Variants in ANXA8 observed in about 807,000 individuals in gnomAD.
ANXA8 encodes the protein annexin A8.
A neutral mutation model predicts 26.8 loss-of-function variants in ANXA8; 9 were observed. That is an observed-to-expected ratio of 0.34 (90% CI 0.20 to 0.59). The LOEUF (loss-of-function observed/expected upper bound fraction) is 0.59. Ranked by LOEUF, ANXA8 falls within the 20% of genes least tolerant of loss-of-function variation. The pLI is 0.84. For synonymous variants in ANXA8, 39 were observed against 94.8 expected (o/e 0.41, Z 3.42); for missense variants, 83 against 238.5 (o/e 0.35, Z 4.29).
the ANXA8 span, among the ~76,000 whole-genome samples, chr10:47,745,370 T>C: frequency 1.5e-4 from 23 of 149,300 alleles, no homozygotes; most frequent in African/African-American, 5.4e-4. Context: ...ATTTCCCTGA[T>C]AGTCTTATGA....
At chr10:47,651,661 G>A in the ANXA8 span, among the ~76,000 whole-genome samples, 2 of 150,226 alleles carry the variant, frequency 1.3e-5, no homozygotes, top group Admixed American at 6.6e-5. Flanking sequence ...TTGGAAGGCC[G>A]AGGCAGGTGG....
At chr10:47,555,179 GTCCCAC>G in the ANXA8 span, among the ~76,000 whole-genome samples, 27,490 of 150,320 alleles carry the variant, frequency 0.18, 2,454 homozygotes, top group East Asian at 0.5. Flanking sequence ...TGCCCAGCAG[GTCCCAC>G]TCCTCTCACC....
the ANXA8 span, among the ~76,000 whole-genome samples, chr10:47,755,584 A>T: frequency 2.9e-5 from 3 of 103,420 alleles, no homozygotes; most frequent in Admixed American, 1.2e-4. Context: ...TTTTTGACAG[A>T]TTCAGCAGCC....
the ANXA8 span, among the ~76,000 whole-genome samples, chr10:47,650,510 T>C: frequency 1.3e-5 from 2 of 151,678 alleles, no homozygotes; most frequent in African/African-American, 2.4e-5. Context: ...AATAATCCAA[T>C]TGAAACAATG....
the ANXA8 span, chr10:47,970,551 T>G: frequency 6.6e-6 from 1 of 151,334 alleles, no homozygotes; most frequent in South Asian, 2.1e-4. Context: ...TGTGTATATC[T>G]ATATAAGTGA....
the ANXA8 span, among the ~76,000 whole-genome samples, chr10:47,763,904 G>A: frequency 7.2e-5 from 11 of 151,944 alleles, no homozygotes; most frequent in East Asian, 9.8e-4. Flanking sequence ...ACACCCCCGC[G>A]TCACCTGTGC....
chr10:47,637,389 C>A, the ANXA8 span, among the ~76,000 whole-genome samples: 2 of 149,936 alleles, frequency 1.3e-5, no homozygotes. Context: ...TTTTACTGCA[C>A]TAACAAATGG....
At chr10:47,977,724 G>T in the ANXA8 span, among the ~76,000 whole-genome samples, 43 of 151,546 alleles carry the variant, frequency 2.8e-4, no homozygotes, top group African/African-American at 9.2e-4. Context: ...TGAGCAGGCA[G>T]AAAAAAGATT....
the ANXA8 span, among the ~76,000 whole-genome samples, chr10:47,566,470 C>T: frequency 6.6e-6 from 1 of 151,532 alleles, no homozygotes; most frequent in South Asian, 2.1e-4. Context: ...TCTCTCCCTT[C>T]GGGCTCCGCC....
chr10:47,695,341 T>C, the ANXA8 span, among the ~76,000 whole-genome samples: 1 of 149,888 alleles, frequency 6.7e-6, no homozygotes, highest in African/African-American at 2.5e-5. Flanking sequence ...TGTAAAACAG[T>C]AGTAGTGGTG....
chr10:47,576,473 T>C, the ANXA8 span, among the ~76,000 whole-genome samples: 6,958 of 120,772 alleles, frequency 0.058, 1 homozygote, highest in African/African-American at 0.12. Flanking sequence ...TTTTTTTTTT[T>C]TGAGATGGTC....
the ANXA8 span, among the ~76,000 whole-genome samples, chr10:47,673,926 C>T: frequency 6.7e-6 from 1 of 149,606 alleles, no homozygotes; most frequent in Non-Finnish European, 1.5e-5. Flanking sequence ...TCCCATTTAG[C>T]TGTCACGTCT....
At chr10:47,623,937 A>T in the ANXA8 span, among the ~76,000 whole-genome samples, 1 of 97,380 alleles carries the variant, frequency 1.0e-5, no homozygotes, top group Non-Finnish European at 2.2e-5. Flanking sequence ...TTCTCACCTG[A>T]CTTAAAAGTA....
chr10:47,938,758 G>A, the ANXA8 span, among the ~76,000 whole-genome samples: 841 of 149,498 alleles, frequency 5.6e-3, 13 homozygotes, highest in African/African-American at 0.02. Flanking sequence ...GGACTGGGGA[G>A]TGTCAAAGTG....
chr10:47,576,673 C>T, the ANXA8 span, among the ~76,000 whole-genome samples: 1 of 150,746 alleles, frequency 6.6e-6, no homozygotes, highest in Non-Finnish European at 1.5e-5. Flanking sequence ...CATACCACCA[C>T]TAAGCACAGC....
the ANXA8 span, among the ~76,000 whole-genome samples, chr10:47,939,486 C>T: frequency 1.4e-5 from 2 of 144,344 alleles, no homozygotes; most frequent in African/African-American, 5.5e-5. Flanking sequence ...TTTCCTGGTT[C>T]TGCTGTAGCT....
At chr10:47,659,330 G>A in the ANXA8 span, among the ~76,000 whole-genome samples, 1 of 151,762 alleles carries the variant, frequency 6.6e-6, no homozygotes, top group East Asian at 1.9e-4. Flanking sequence ...GTATTCAAGA[G>A]AGAATATTAA....
the ANXA8 span, among the ~76,000 whole-genome samples, chr10:47,895,493 C>T: frequency 7.0e-6 from 1 of 143,652 alleles, no homozygotes; most frequent in South Asian, 2.5e-4. Context: ...ACTGGAATTG[C>T]CAGCGTTACA....
At chr10:47,470,277 A>G (rs1472731279) in intron 11 of ANXA8, among the ~76,000 whole-genome samples, 4 of 150,984 alleles carry the variant, frequency 2.6e-5, no homozygotes, top group African/African-American at 7.4e-5. Context: ...TTCTAACTCA[A>G]TTTTCTTAAG....
Sources: allele counts gnomAD v4.1 joint callset (sites outside exome capture counted in the v4.1 genomes callset), GRCh38; gene constraint gnomAD v4.1.1; transcripts MANE v1.5; gene names NCBI Gene and HGNC (gene_info 2026-07-23, HGNC 2026-07-21).